CPLANE1: variants seen among roughly 807,000 people sequenced by gnomAD.
CPLANE1 encodes ciliogenesis and planar polarity effector complex subunit 1.
CPLANE1 carries 263 observed loss-of-function variants against 362.5 expected under a neutral mutation model. The ratio of observed to expected loss-of-function variants is 0.73; its 90% CI spans 0.66 to 0.80. The LOEUF is 0.80. Among genes scored for constraint, CPLANE1 ranks in the 30% least tolerant of loss-of-function variants. The pLI is 0.00. For synonymous variants in CPLANE1, 1,212 were observed against 1,302.6 expected, an observed-to-expected ratio of 0.93 and a Z score of 1.50; for missense variants, 3,461 against 3,793.4, an observed-to-expected ratio of 0.91 and a Z score of 2.30.
At chr5:37,134,896 T>C (rs941208883) in intron 46 of CPLANE1, among the ~76,000 whole-genome samples, 2 of 151,534 alleles carry the variant, frequency 1.3e-5, no homozygotes, top group Non-Finnish European at 2.9e-5. Flanking sequence ...CAGGTTCAAG[T>C]GCTTCTCCTG....
At position 37,187,542 on chromosome 5, in the gene CPLANE1, T is replaced by C. The variant is rs773273065; in HGVS notation, c.3952A>G (p.Ile1318Val). The C allele has an allele frequency of 1.2e-6, 2 of 1,608,374 alleles. No individual in the cohort carries two copies. The highest frequency in any genetic ancestry group is 1.7e-6 in the Non-Finnish European group (2 of 1,178,684). Residue 1318 changes from isoleucine to valine, a missense_variant, in exon 23 of 53, where the codon ATT becomes GTT. By Grantham distance (29) the Ile-to-Val change is conservative. Transcript: ENST00000651892. ...TCCACTGCACTAAGACAGTGCTCAA[T>C]CATACAAGAATCAAACTCCACTTCA... is the stretch of plus-strand genomic sequence containing the variant. The part of the protein sequence containing the change: ...DLEVEFDSCM[I>V]EHCLSAVEWA...
rs1349735453 is a variant in CPLANE1, at chr5:37,173,350, C to T, written c.6171+405G>A. ...ACTAATCTGGTTTGATTACTCCCCACCTCACTTTTGTGAGCAGCTGCATCC... is the reference window on the plus strand; with the variant it reads ...ACTAATCTGGTTTGATTACTCCCCATCTCACTTTTGTGAGCAGCTGCATCC... On this transcript the variant is annotated intron_variant, in intron 32 of 52. Transcript: ENST00000651892. Among the ~76,000 whole-genome samples the T allele has an allele frequency of 1.3e-5, 2 of 152,316 alleles. 1 individual carries two copies. Among genetic ancestry groups the T allele is most frequent in the South Asian group, 4.1e-4 (2 of 4,826 alleles).
chr5:37,169,327 T>C lies in CPLANE1; in HGVS notation c.6697A>G (p.Lys2233Glu). 6 of 1,614,202 alleles carry C rather than the reference T, an allele frequency of 3.7e-6. No individual in the cohort carries two copies. In the South Asian group the frequency reaches 4.4e-5, roughly 12 times the overall value. ...AAGAAAAGGGGCTGGAATTCTTGTT[T>C]AGACTTAAATTGAAGCAAAGGAAAG... is the stretch of plus-strand genomic sequence containing the variant. ...DGFPLLQFKSKQEFQPLFLHT... is the reference protein window; with the variant it reads ...DGFPLLQFKSEQEFQPLFLHT... The change falls in exon 34 of 53, where the codon AAA becomes GAA. Residue 2233 changes from lysine to glutamate, a missense_variant. Lys to Glu is a moderately conservative substitution (Grantham distance 56). Around this residue, in one of 2 missense-constraint regions of CPLANE1, gnomAD observed 3,380 missense variants for 3,666.1 expected, o/e 0.92. Transcript: ENST00000651892.
intron 15 of CPLANE1, among the ~76,000 whole-genome samples, chr5:37,219,939 T>TA (rs1408952041): frequency 6.6e-6 from 1 of 152,154 alleles, no homozygotes; most frequent in African/African-American, 2.4e-5. Flanking sequence ...TTAATGAACA[T>TA]AAAAATTTAA....
rs1301614545 is a variant in CPLANE1, at chr5:37,172,291, A to C, written c.6171+1464T>G. Among the ~76,000 whole-genome samples the C allele has an allele frequency of 2.0e-5, 3 of 152,172 alleles. No homozygotes were observed. In the South Asian group the frequency reaches 6.2e-4, roughly 32 times the overall value. ...AGACAATGGAAGAACAAAACTAAGA[A>C]TCTAAGGTTAGCCACTGCTATAGAA... On this transcript the variant is annotated intron_variant, in intron 32 of 52. Transcript: ENST00000651892.
intron 46 of CPLANE1, among the ~76,000 whole-genome samples, chr5:37,136,942 G>A (rs886720686): frequency 1.3e-5 from 2 of 152,180 alleles, no homozygotes; most frequent in African/African-American, 4.8e-5. Context: ...CCTGTGATGG[G>A]AGGGACTGCC....
At chr5:37,210,359 G>A in intron 16 of CPLANE1, 1 of 1,139,524 alleles carries the variant, frequency 8.8e-7, no homozygotes, top group South Asian at 1.2e-5. Context: ...GGAGACGGGA[G>A]CAGAATATAA....
chr5:37,093,293 G>A, the CPLANE1 span, among the ~76,000 whole-genome samples: 1 of 152,142 alleles, frequency 6.6e-6, no homozygotes, highest in Admixed American at 6.5e-5. Context: ...AAGCCCTTGA[G>A]GCTGCTTTAA....
Position 37,106,267 on chromosome 5 carries a change from T to C in CPLANE1, c.*1335A>G, listed in dbSNP as rs1757615158. 2 of 152,320 alleles carry C rather than the reference T, an allele frequency of 1.3e-5. No homozygotes were observed. The highest frequency in any genetic ancestry group is 6.5e-5 in the Admixed American group (1 of 15,288). 9.4% of individuals were successfully genotyped at this position (152,320 alleles called of 1,614,324 possible). ...ACTCCTACATTTATTGCAGCTCTAT[T>C]CACAACAGCTAAGATATAGAATTGA... On this transcript the variant is annotated 3_prime_UTR_variant, in exon 53 of 53. Coordinates refer to ENST00000651892, the MANE Select transcript of CPLANE1 (RefSeq NM_001384732.1).
intron 44 of CPLANE1, chr5:37,140,454 A>T (rs1231835988): frequency 1.0e-6 from 1 of 985,016 alleles, no homozygotes; most frequent in Non-Finnish European, 1.2e-6. Flanking sequence ...CTAAGAGAGA[A>T]ATATTTCACA....
At chr5:37,147,270 T>C (rs1343926197) in intron 43 of CPLANE1, among the ~76,000 whole-genome samples, 2 of 152,206 alleles carry the variant, frequency 1.3e-5, no homozygotes, top group Non-Finnish European at 2.9e-5. Context: ...AGGGAAATTT[T>C]AACAAATATC....
At chr5:37,216,356 T>C (rs1006278376) in intron 15 of CPLANE1, among the ~76,000 whole-genome samples, 5 of 151,986 alleles carry the variant, frequency 3.3e-5, no homozygotes, top group Admixed American at 6.6e-5. Context: ...GATACCAGCC[T>C]GGGCAACATG....
Position 37,206,431 on chromosome 5 carries a change from A to C in CPLANE1, c.2921-6T>G, listed in dbSNP as rs1790759260. 6.5e-7 allele frequency: 1 copy of C among 1,531,514 alleles called. No homozygotes were observed. The highest frequency in any genetic ancestry group is 1.4e-5 in the African/African-American group (1 of 72,682). 94.9% of individuals were successfully genotyped at this position (1,531,514 alleles called of 1,614,324 possible). ...AATAAGTCGAAAGGACTGCTCTGTG[A>C]GTAAATTTTTAAAAATGGATTATTA... On this transcript the variant is annotated splice_region_variant and splice_polypyrimidine_tract_variant and intron_variant, in intron 16 of 52. Coordinates refer to ENST00000651892, the MANE Select transcript of CPLANE1 (RefSeq NM_001384732.1).
Position 37,107,154 on chromosome 5 carries a change from A to C in CPLANE1, c.*448T>G, listed in dbSNP as rs1270086424. On this transcript the variant is annotated 3_prime_UTR_variant, in exon 53 of 53. Transcript: ENST00000651892. ...GCTAAACCCTGCATAGGTGTTTTAA[A>C]ATAGGGTTCATAATTGAGTTCTCAG... 2 of 985,590 alleles carry C rather than the reference A, an allele frequency of 2.0e-6. No homozygotes were observed. The highest frequency in any genetic ancestry group is 3.5e-5 in the African/African-American group (2 of 57,240). 61.1% of individuals were successfully genotyped at this position (985,590 alleles called of 1,614,324 possible). A position where few individuals can be genotyped will look rare whatever the true frequency, so the allele number is the denominator to read the frequency against.
rs772399906 is a variant in CPLANE1, at chr5:37,245,521, G to A, written c.295C>T (p.Pro99Ser). The A allele has an allele frequency of 6.0e-6, 9 of 1,502,552 alleles. No homozygotes were observed. The highest frequency in any genetic ancestry group is 1.4e-5 in the African/African-American group (1 of 71,350). The allele number at this position is 1,502,552 out of a possible 1,614,324, so 93.1% of individuals were successfully genotyped here. The change falls in exon 4 of 53, where the codon CCA becomes TCA. Residue 99 changes from proline to serine, a missense_variant. Coordinates refer to ENST00000651892, the MANE Select transcript of CPLANE1 (RefSeq NM_001384732.1). ...NKDQDCLKTI[P>S]ITEKPKEMIK... ...ATTTCCTTAGGCTTTTCAGTTATTG[G>A]TATAGTTTTCAAACAATCTTGATCT...
chr5:37,166,429 TTCAGTTA>T (rs1180830132), intron 35 of CPLANE1, among the ~76,000 whole-genome samples: 3 of 152,162 alleles, frequency 2.0e-5, no homozygotes, highest in Non-Finnish European at 4.4e-5. Context: ...TTTCCAAGGT[TTCAGTTA>T]TCAGAGTTCA....
rs999521247 is a variant in CPLANE1 at position 37,226,325 on chromosome 5, G to C, written c.2270C>G (p.Pro757Arg). Residue 757 changes from proline to arginine, a missense_variant, in exon 12 of 53, where the codon CCT becomes CGT. Physicochemically the swap from Pro to Arg is moderately radical, Grantham distance 103. Transcript: ENST00000651892. ...ATACCTGTGTCCTGGCTGTTGCACA[G>C]GATTTACTACTTGAGGATGAATCTT... ...FFKIHPQVVN[P>R]VQQPGHRLLI... is the part of the protein sequence containing the mutation. 3 of 1,533,742 alleles carry C rather than the reference G, an allele frequency of 2.0e-6. No individual in the cohort carries two copies. Among genetic ancestry groups the C allele is most frequent in the Non-Finnish European group, 2.6e-6 (3 of 1,141,130 alleles).
In CPLANE1 at chr5:37,169,227, G is replaced by A. The variant is rs776449281; in HGVS notation, c.6797C>T (p.Ser2266Phe). 1.9e-6 allele frequency: 3 copies of A among 1,614,200 alleles called. No homozygotes were observed. Among genetic ancestry groups the A allele is most frequent in the South Asian group, 1.1e-5 (1 of 91,080 alleles). ...QPREAWGLSDSFQPALPQRAA... is the reference protein window; with the variant it reads ...QPREAWGLSDFFQPALPQRAA... Reference sequence around the variant, plus strand: ...TCTCTGTGGCAGAGCAGGTTGGAAGGAGTCAGATAATCCCCAAGCCTCTCT... The same window carrying A: ...TCTCTGTGGCAGAGCAGGTTGGAAGAAGTCAGATAATCCCCAAGCCTCTCT... Residue 2266 changes from serine (S) to phenylalanine (F), a missense_variant, in exon 34 of 53, where the codon TCC (serine) becomes TTC (phenylalanine). Physicochemically the swap from Ser to Phe is radical, Grantham distance 155. Coordinates refer to ENST00000651892, the MANE Select transcript of CPLANE1 (RefSeq NM_001384732.1).
In CPLANE1 at chr5:37,106,249, CATTT is replaced by C. The variant is rs1240950520; in HGVS notation, c.*1349_*1352del. On this transcript the variant is annotated 3_prime_UTR_variant, in exon 53 of 53. Transcript: ENST00000651892. ...TATCAAAGAGATATCTGCACTCCTACATTTATTGCAGCTCTATTCACAACAGCTA... is the reference window on the plus strand; with the variant it reads ...TATCAAAGAGATATCTGCACTCCTACATTGCAGCTCTATTCACAACAGCTA... 1 of 152,232 alleles carries C rather than the reference CATTT, an allele frequency of 6.6e-6. No homozygotes were observed. Among genetic ancestry groups the C allele is most frequent in the Non-Finnish European group, 1.5e-5 (1 of 68,066 alleles). 9.4% of individuals were successfully genotyped at this position (152,232 alleles called of 1,614,324 possible).
Sources: allele counts gnomAD v4.1 joint callset (sites outside exome capture counted in the v4.1 genomes callset), GRCh38; gene constraint gnomAD v4.1.1; regional missense constraint gnomAD v4.1.1; transcripts MANE v1.5; gene names NCBI Gene and HGNC (gene_info 2026-07-23, HGNC 2026-07-21).